The following PDE11A variants were observed in gnomAD, a reference collection of about 807,000 sequenced individuals.
The protein encoded by PDE11A is dual 3',5'-cyclic-AMP and -GMP phosphodiesterase 11A.
A neutral mutation model predicts 100.5 loss-of-function variants in PDE11A; 100 were observed. The ratio of observed to expected loss-of-function variants is 1.00; its 90% CI spans 0.85 to 1.18. The LOEUF (loss-of-function observed/expected upper bound fraction) is 1.18. PDE11A is among the 50% of genes most tolerant of loss of function. The pLI is 0.00. For synonymous variants in PDE11A, 381 were observed against 420.8 expected (o/e 0.91, Z 1.16); for missense variants, 1,141 against 1,152.6 (o/e 0.99, Z 0.15).
intron 9 of PDE11A, among the ~76,000 whole-genome samples, chr2:177,811,022 G>C (rs760449818): frequency 1.3e-5 from 2 of 152,134 alleles, no homozygotes; most frequent in African/African-American, 2.4e-5. Flanking sequence ...TTAGCACACA[G>C]ACTTATATTT....
rs1402240244 is a variant in PDE11A at position 177,711,871 on chromosome 2, C to G, written c.2051G>C (p.Gly684Ala). ...QLMFAMLTTA[G>A]FQDILTEVEI... ...CACCTCGGTCAGAATGTCTTGAAAC[C>G]CAGCAGTCTGGGAAGAAGGGGAAAA... The change falls in exon 13 of 20, where the codon GGG becomes GCG. Residue 684 changes from glycine (G) to alanine (A), a missense_variant. Gly to Ala is a moderately conservative substitution (Grantham distance 60). Coordinates refer to ENST00000286063, the MANE Select transcript of PDE11A (RefSeq NM_016953.4). 1.3e-6 allele frequency: 2 copies of G among 1,597,858 alleles called. No individual in the cohort carries two copies. Among genetic ancestry groups the G allele is most frequent in the Non-Finnish European group, 1.7e-6 (2 of 1,165,256 alleles).
At chr2:177,737,590 C>CA (rs10654194) in intron 10 of PDE11A, among the ~76,000 whole-genome samples, 245 of 144,578 alleles carry the variant, frequency 1.7e-3, no homozygotes, top group Non-Finnish European at 2.0e-3. Context: ...GACTCTGTCT[C>CA]AAAAAAAAAA....
At chr2:177,997,496 A>T (rs935322879) in intron 2 of PDE11A, 2 of 806,828 alleles carry the variant, frequency 2.5e-6, no homozygotes, top group African/African-American at 3.4e-5. Context: ...CTTGATTAAA[A>T]CATTGATATT....
intron 10 of PDE11A, among the ~76,000 whole-genome samples, chr2:177,756,823 A>G (rs903727324): frequency 7.2e-5 from 11 of 152,254 alleles, no homozygotes; most frequent in Admixed American, 7.2e-4. Context: ...GGGCTGGATT[A>G]CTTTTCAAAC....
At chr2:177,668,123 A>G (rs186804082) in intron 18 of PDE11A, among the ~76,000 whole-genome samples, 1 of 152,280 alleles carries the variant, frequency 6.6e-6, no homozygotes, top group East Asian at 1.9e-4. Context: ...CTACCGCAAA[A>G]TTAATTTCAT....
intron 13 of PDE11A, among the ~76,000 whole-genome samples, chr2:177,710,400 C>T (rs140200055): frequency 1.9e-3 from 287 of 152,172 alleles, no homozygotes; most frequent in Non-Finnish European, 2.9e-3. Context: ...TTGGAAGACA[C>T]AAGTTTGGTA....
At chr2:177,884,180 T>A (rs2084390295) in intron 4 of PDE11A, among the ~76,000 whole-genome samples, 2 of 152,186 alleles carry the variant, frequency 1.3e-5, no homozygotes, top group Non-Finnish European at 2.9e-5. Context: ...CTGAGCTCTG[T>A]GCTCCCCCAA....
chr2:177,836,616 C>A (rs1558963582), intron 6 of PDE11A, among the ~76,000 whole-genome samples: 1 of 152,210 alleles, frequency 6.6e-6, no homozygotes, highest in Non-Finnish European at 1.5e-5. Flanking sequence ...AGTGTGGAAG[C>A]TTTGTTCTTT....
At chr2:177,973,263 T>C (rs908248423) in intron 2 of PDE11A, among the ~76,000 whole-genome samples, 2 of 130,614 alleles carry the variant, frequency 1.5e-5, no homozygotes, top group Non-Finnish European at 3.2e-5. Flanking sequence ...GGCGAGGCAT[T>C]GCCTCACCTG....
chr2:177,701,285 CT>C, intron 13 of PDE11A, 74 bp from the exon 14 acceptor site: 2 of 778,110 alleles, frequency 2.6e-6, no homozygotes, highest in Non-Finnish European at 2.3e-6. Context: ...GATCAAACTG[CT>C]TTTCTTGCTT....
At chr2:177,881,920 T>C (rs1194951206) in intron 4 of PDE11A, among the ~76,000 whole-genome samples, 11 of 152,248 alleles carry the variant, frequency 7.2e-5, no homozygotes. Flanking sequence ...TTTTGCTAAA[T>C]TGTTAATGGC....
At chr2:177,817,836 G>C (rs754236590) in intron 8 of PDE11A, 22 bp downstream of exon 8, 1 of 1,173,218 alleles carries the variant, frequency 8.5e-7, no homozygotes, top group East Asian at 2.4e-5. Context: ...ACTCCACTTG[G>C]TTTATAAATT....
At chr2:177,844,281 C>T (rs1049809909) in intron 5 of PDE11A, among the ~76,000 whole-genome samples, 5 of 152,100 alleles carry the variant, frequency 3.3e-5, no homozygotes, top group Non-Finnish European at 7.4e-5. Context: ...TGTCTAGTGC[C>T]TTCTTGTCCT....
At chr2:177,816,764 G>C (rs2105579632) in intron 9 of PDE11A, 65 bp downstream of exon 9, 1 of 906,600 alleles carries the variant, frequency 1.1e-6, no homozygotes, top group African/African-American at 1.6e-5. Context: ...CATAACCAGG[G>C]AAATTTTTTC....
intron 10 of PDE11A, among the ~76,000 whole-genome samples, chr2:177,745,453 C>T (rs915521637): frequency 4.6e-5 from 7 of 152,332 alleles, no homozygotes; most frequent in South Asian, 2.1e-4. Flanking sequence ...CCAGGCCCCA[C>T]GTTGAGAGTC....
intron 1 of PDE11A, 97 bp downstream of exon 1, chr2:178,071,429 G>A: frequency 6.7e-7 from 1 of 1,497,388 alleles, no homozygotes; most frequent in Non-Finnish European, 9.2e-7. Context: ...ATTGTAAAGA[G>A]CCTAAATTAA....
At chr2:178,066,617 C>T (rs2087047986) in intron 1 of PDE11A, among the ~76,000 whole-genome samples, 1 of 152,138 alleles carries the variant, frequency 6.6e-6, no homozygotes, top group Non-Finnish European at 1.5e-5. Context: ...GAGGGAGAGG[C>T]CCACATTCAT....
In PDE11A at chr2:177,624,506, T is replaced by G. The variant is rs549675736; in HGVS notation, c.*4901A>C. On this transcript the variant is annotated 3_prime_UTR_variant, in exon 20 of 20. Coordinates refer to ENST00000286063, the MANE Select transcript of PDE11A (RefSeq NM_016953.4). ...AAGTGGAAAAAGTTATGATAAATTTTGATACACAGAAAAAGCAACTGGATT... is the reference window on the plus strand; with the variant it reads ...AAGTGGAAAAAGTTATGATAAATTTGGATACACAGAAAAAGCAACTGGATT... 5.1e-4 allele frequency: 78 copies of G among 152,320 alleles called. No individual in the cohort carries two copies. Among genetic ancestry groups the G allele is most frequent in the African/African-American group, 1.9e-3 (77 of 41,572 alleles). 9.4% of individuals were successfully genotyped at this position (152,320 alleles called of 1,614,324 possible). A position where few individuals can be genotyped will look rare whatever the true frequency, so the allele number is the denominator to read the frequency against.
intron 2 of PDE11A, among the ~76,000 whole-genome samples, chr2:177,979,611 C>CTTTTTTTTTTTTTT (rs57168619): frequency 2.8e-5 from 3 of 106,882 alleles, no homozygotes; most frequent in East Asian, 2.6e-4. Context: ...CTCAGATGAT[C>CTTTTTTTTTTTTTT]TTTTTTTTTT....
Sources: gnomAD v4.1 joint callset for allele counts (sites outside exome capture counted in the v4.1 genomes callset) on GRCh38, gnomAD v4.1.1 for gene constraint, MANE v1.5 for transcripts, NCBI Gene and HGNC (gene_info 2026-07-23, HGNC 2026-07-21) for gene names.